The following CCL28 variants were observed in gnomAD, a reference collection of about 807,000 sequenced individuals.
CCL28 encodes the protein C-C motif chemokine ligand 28.
A neutral mutation model predicts 7.1 loss-of-function variants in CCL28; 4 were observed. The ratio of observed to expected loss-of-function variants is 0.56; its 90% CI spans 0.28 to 1.29. The LOEUF is 1.29. Ranked by LOEUF, CCL28 falls within the 50% of genes most tolerant of loss-of-function variation. CCL28 has a pLI of 0.11. For missense variants in CCL28, 151 were observed against 163.4 expected (o/e 0.92, Z 0.41); for synonymous variants, 55 against 57.8 (o/e 0.95, Z 0.22).
intron 1 of CCL28, among the ~76,000 whole-genome samples, chr5:43,407,841 G>T (rs1335941048): frequency 1.3e-5 from 2 of 152,212 alleles, no homozygotes; most frequent in East Asian, 3.8e-4. Context: ...GATATGAACA[G>T]ACATTTCTGA....
chr5:43,378,927 C>T (rs2111670821), downstream of CCL28, among the ~76,000 whole-genome samples: 1 of 152,184 alleles, frequency 6.6e-6, no homozygotes, highest in Non-Finnish European at 1.5e-5. Flanking sequence ...CACCACTGCA[C>T]TCCAGCCTGG....
chr5:43,401,010 G>T (rs540233748), intron 1 of CCL28, among the ~76,000 whole-genome samples: 3 of 151,712 alleles, frequency 2.0e-5, no homozygotes, highest in African/African-American at 7.3e-5. Flanking sequence ...TTGAACCTGG[G>T]AGGCAGAGGT....
At chr5:43,403,024 G>GT in intron 1 of CCL28, among the ~76,000 whole-genome samples, 1 of 152,328 alleles carries the variant, frequency 6.6e-6, no homozygotes, top group Admixed American at 6.5e-5. Context: ...AGCTCGAACT[G>GT]GGTGGAGCCC....
At chr5:43,383,678 C>T (rs985808749) in intron 2 of CCL28, among the ~76,000 whole-genome samples, 2 of 151,958 alleles carry the variant, frequency 1.3e-5, no homozygotes, top group African/African-American at 4.8e-5. Flanking sequence ...GAAACAAAAA[C>T]AAACAAACAA....
At chr5:43,373,362 G>A (rs1010808938), downstream of CCL28, among the ~76,000 whole-genome samples, 8 of 151,786 alleles carry the variant, frequency 5.3e-5, no homozygotes, top group South Asian at 1.2e-3. Flanking sequence ...GTGCAGTGGC[G>A]TGATCTCGGC....
At chr5:43,389,954 A>G (rs1295887976) in intron 1 of CCL28, among the ~76,000 whole-genome samples, 1 of 152,208 alleles carries the variant, frequency 6.6e-6, no homozygotes, top group East Asian at 1.9e-4. Flanking sequence ...ATCGCCCCCT[A>G]GAGGTTCCCT....
intron 2 of CCL28, among the ~76,000 whole-genome samples, chr5:43,383,554 T>A (rs192809895): frequency 1.4e-4 from 22 of 152,266 alleles, no homozygotes; most frequent in Admixed American, 6.5e-4. Context: ...GAATAATATA[T>A]TCCCTATGTG....
At chr5:43,398,661 C>T (rs1434957437) in intron 1 of CCL28, among the ~76,000 whole-genome samples, 1 of 152,120 alleles carries the variant, frequency 6.6e-6, no homozygotes, top group African/African-American at 2.4e-5. Flanking sequence ...CCAGCCTGGC[C>T]AAGATGGTGA....
chr5:43,406,165 G>C (rs1741268040), intron 1 of CCL28, among the ~76,000 whole-genome samples: 1 of 152,048 alleles, frequency 6.6e-6, no homozygotes, highest in Non-Finnish European at 1.5e-5. Flanking sequence ...GCATCATCCT[G>C]ATACCAAAGC....
At chr5:43,376,680 A>G (rs1362305131), downstream of CCL28, 4 of 152,194 alleles carry the variant, frequency 2.6e-5, no homozygotes, top group African/African-American at 9.7e-5. Context: ...CATGGTGCTG[A>G]GTCAGGAGGT....
intron 1 of CCL28, among the ~76,000 whole-genome samples, chr5:43,408,947 G>C (rs1253544209): frequency 6.8e-6 from 1 of 148,080 alleles, no homozygotes; most frequent in Admixed American, 6.8e-5. Flanking sequence ...CTGAAGTGCA[G>C]TGGTGCGATC....
chr5:43,398,246 T>G (rs2111842162), intron 1 of CCL28, among the ~76,000 whole-genome samples: 1 of 152,304 alleles, frequency 6.6e-6, no homozygotes, highest in Middle Eastern at 3.4e-3. Flanking sequence ...GATAAGATCT[T>G]GCTCTGTCAC....
intron 2 of CCL28, among the ~76,000 whole-genome samples, chr5:43,385,895 C>G (rs1740315344): frequency 6.6e-6 from 1 of 152,178 alleles, no homozygotes; most frequent in African/African-American, 2.4e-5. Context: ...CTATGCCTTT[C>G]AGATCTCTGA....
At position 43,394,207 on chromosome 5, in the gene CCL28, T is replaced by C. The variant is rs555941286; in HGVS notation, c.65-5731A>G. On this transcript the variant is annotated intron_variant, in intron 1 of 2. Transcript: ENST00000361115. The stretch of plus-strand genomic sequence containing the variant: ...CTCTACTTATTGATCTCTGCATCAA[T>C]TCCACATGTTTCAACTAAGACACTT... Among the ~76,000 whole-genome samples the C allele has an allele frequency of 3.9e-5, 6 of 152,342 alleles. No homozygotes were observed. The East Asian group carries it at 1.2e-3, about 29-fold the overall frequency.
downstream of CCL28, among the ~76,000 whole-genome samples, chr5:43,373,040 A>G (rs1050853432): frequency 1.3e-5 from 2 of 151,938 alleles, no homozygotes; most frequent in Non-Finnish European, 2.9e-5. Flanking sequence ...ACCTCAGGTG[A>G]TCCACCCACC....
At chr5:43,382,210 A>C (rs2111701393) in intron 2 of CCL28, among the ~76,000 whole-genome samples, 158 bp from the exon 3 acceptor site, 1 of 152,324 alleles carries the variant, frequency 6.6e-6, no homozygotes, top group East Asian at 1.9e-4. Flanking sequence ...GTGAATTCTA[A>C]AGCTGAGCAC....
At chr5:43,363,120 C>T in the CCL28 span, among the ~76,000 whole-genome samples, 12 of 152,078 alleles carry the variant, frequency 7.9e-5, no homozygotes, top group Non-Finnish European at 1.5e-4. Flanking sequence ...CCTGATAGTC[C>T]AAGAATTCAG....
chr5:43,385,824 A>G (rs1376040746), intron 2 of CCL28, among the ~76,000 whole-genome samples: 1 of 152,214 alleles, frequency 6.6e-6, no homozygotes, highest in Non-Finnish European at 1.5e-5. Flanking sequence ...TCCTTTTTAA[A>G]ATGAAGACTT....
At chr5:43,377,717 CT>C (rs767834184), downstream of CCL28, among the ~76,000 whole-genome samples, 57 of 42,688 alleles carry the variant, frequency 1.3e-3, no homozygotes, top group East Asian at 6.4e-3. Context: ...AGAACTTAAA[CT>C]TTTTTTTTTT....
Sources: allele counts gnomAD v4.1 joint callset (sites outside exome capture counted in the v4.1 genomes callset), GRCh38; gene constraint gnomAD v4.1.1; transcripts MANE v1.5; gene names NCBI Gene and HGNC (gene_info 2026-07-23, HGNC 2026-07-21).